Variants in GPC6 observed in about 807,000 individuals in gnomAD.
GPC6 encodes the protein glypican 6.
GPC6 carries 14 observed loss-of-function variants against 55.2 expected under a neutral mutation model. The observed-to-expected ratio is 0.25, with a 90% CI of 0.17 to 0.40. The LOEUF (loss-of-function observed/expected upper bound fraction) is 0.40. GPC6 is among the 10% of genes least tolerant of loss of function. GPC6 has a pLI of 1.00. For synonymous variants in GPC6, 278 were observed against 259.6 expected, an observed-to-expected ratio of 1.07 and a Z score of -0.68; for missense variants, 641 against 708.5, an observed-to-expected ratio of 0.90 and a Z score of 1.08.
intron 1 of GPC6, among the ~76,000 whole-genome samples, chr13:93,443,465 G>A (rs1264013276): frequency 6.6e-6 from 1 of 152,156 alleles, no homozygotes; most frequent in Non-Finnish European, 1.5e-5. Context: ...AAGCACCTTG[G>A]TGGGGGCTAA....
At chr13:93,944,041 A>G (rs979309524) in intron 3 of GPC6, among the ~76,000 whole-genome samples, 5 of 152,184 alleles carry the variant, frequency 3.3e-5, no homozygotes, top group Admixed American at 3.3e-4. Context: ...TGCTAGCGCT[A>G]CATGCTTCTT....
rs11841195 is a variant in GPC6 at position 93,797,832 on chromosome 13, A to C, written c.320-32322A>C. On this transcript the variant is annotated intron_variant, in intron 2 of 8. Coordinates refer to ENST00000377047, the MANE Select transcript of GPC6 (RefSeq NM_005708.5). The stretch of plus-strand genomic sequence containing the variant: ...TGTTTTTTATCTGTAGTCACAGCAG[A>C]GTGACTGTTTCGAACATGTGAAATG... Among the ~76,000 whole-genome samples the C allele has an allele frequency of 5.8e-3, 878 of 152,314 alleles. 9 individuals carry two copies. Among genetic ancestry groups the C allele is most frequent in the African/African-American group, 0.02 (840 of 41,576 alleles).
At chr13:93,994,243 CT>C (rs1379577418) in intron 3 of GPC6, among the ~76,000 whole-genome samples, 5 of 152,096 alleles carry the variant, frequency 3.3e-5, no homozygotes, top group Non-Finnish European at 7.4e-5. Context: ...CTATGTAACT[CT>C]TTATTCTTGG....
intron 3 of GPC6, among the ~76,000 whole-genome samples, chr13:94,016,927 T>C (rs756912521): frequency 1.3e-5 from 2 of 152,016 alleles, no homozygotes; most frequent in East Asian, 3.9e-4. Flanking sequence ...CTCCGCCTCC[T>C]GGGTTCAAAC....
At chr13:94,144,956 G>C (rs1159614047) in intron 4 of GPC6, among the ~76,000 whole-genome samples, 1 of 152,120 alleles carries the variant, frequency 6.6e-6, no homozygotes, top group Non-Finnish European at 1.5e-5. Flanking sequence ...TATTACTAAA[G>C]TTATTAACAA....
intron 4 of GPC6, among the ~76,000 whole-genome samples, chr13:94,087,266 G>C (rs1885319510): frequency 6.6e-6 from 1 of 152,188 alleles, no homozygotes; most frequent in African/African-American, 2.4e-5. Context: ...AGACCTGCAA[G>C]CCATTATAAG....
intron 4 of GPC6, among the ~76,000 whole-genome samples, chr13:94,127,083 T>C (rs1214716405): frequency 6.6e-6 from 1 of 152,118 alleles, no homozygotes; most frequent in Non-Finnish European, 1.5e-5. Context: ...GGGCCTAGGA[T>C]GTCACAACTG....
At chr13:93,448,005 C>G (rs777416701) in intron 1 of GPC6, among the ~76,000 whole-genome samples, 10 of 152,116 alleles carry the variant, frequency 6.6e-5, no homozygotes, top group Non-Finnish European at 1.5e-4. Flanking sequence ...TAATCTTGTA[C>G]ATGATTCTGC....
At chr13:93,768,730 T>C (rs759250046) in intron 2 of GPC6, among the ~76,000 whole-genome samples, 4 of 152,186 alleles carry the variant, frequency 2.6e-5, no homozygotes, top group Non-Finnish European at 4.4e-5. Flanking sequence ...TTTTTAAAGA[T>C]AAATGCTGGC....
rs540689508 is a variant in GPC6 at position 94,059,771 on chromosome 13, T to C, written c.877+31877T>C. 7.1e-4 allele frequency among the ~76,000 whole-genome samples: 108 copies of C among 152,034 alleles called. 1 individual carries two copies. The highest frequency in any genetic ancestry group is 3.4e-3 in the Middle Eastern group (1 of 294). Reference sequence around the variant, plus strand: ...AGTGGAAGGGAAAGCAAGTTCTCTGTGGCCTCTTTCATGAAAGAGTGCTAA... The same window carrying C: ...AGTGGAAGGGAAAGCAAGTTCTCTGCGGCCTCTTTCATGAAAGAGTGCTAA... On this transcript the variant is annotated intron_variant, in intron 4 of 8. Coordinates refer to ENST00000377047, the MANE Select transcript of GPC6 (RefSeq NM_005708.5).
rs1317528583 is a variant in GPC6 at position 93,371,728 on chromosome 13, T to C, written c.160+144112T>C. Among the ~76,000 whole-genome samples the C allele has an allele frequency of 2.0e-5, 3 of 151,990 alleles. No homozygotes were observed. In the East Asian group the frequency reaches 5.8e-4, roughly 29 times the overall value. ...GCTATTAGGGAAACTAAAGCACTAG[T>C]GTGGATAGGCAGGGAGATACATAGT... On this transcript the variant is annotated intron_variant, in intron 1 of 8. Transcript: ENST00000377047.
intron 2 of GPC6, among the ~76,000 whole-genome samples, chr13:93,666,106 G>A (rs1339703417): frequency 6.6e-6 from 1 of 152,144 alleles, no homozygotes; most frequent in East Asian, 1.9e-4. Flanking sequence ...TGCTTTTCCA[G>A]GTAGCTTTCC....
At position 93,392,033 on chromosome 13, in the gene GPC6, T is replaced by A. The variant is rs560346808; in HGVS notation, c.161-153230T>A. Among the ~76,000 whole-genome samples the A allele has an allele frequency of 2.0e-5, 3 of 152,308 alleles. No homozygotes were observed. The East Asian group carries it at 5.8e-4, about 29-fold the overall frequency. On this transcript the variant is annotated intron_variant, in intron 1 of 8. Coordinates refer to ENST00000377047, the MANE Select transcript of GPC6 (RefSeq NM_005708.5). ...TGGTACTCTGTAGGAAACAACTTCT[T>A]AGTTTTCTTAAATCAGGATTTATAG... is the stretch of plus-strand genomic sequence containing the variant.
At chr13:93,454,765 C>T (rs564773623) in intron 1 of GPC6, among the ~76,000 whole-genome samples, 24 of 152,366 alleles carry the variant, frequency 1.6e-4, no homozygotes, top group Non-Finnish European at 3.4e-4. Context: ...GAGCTGCCTG[C>T]CAGTCCCGCG....
At chr13:94,147,007 G>T (rs1158604690) in intron 4 of GPC6, among the ~76,000 whole-genome samples, 2 of 152,056 alleles carry the variant, frequency 1.3e-5, no homozygotes, top group South Asian at 2.1e-4. Flanking sequence ...TCCCACTAAA[G>T]GCAGGTTATT....
chr13:94,015,321 C>T (rs985701803), intron 3 of GPC6, among the ~76,000 whole-genome samples: 5 of 152,000 alleles, frequency 3.3e-5, no homozygotes, highest in African/African-American at 1.2e-4. Flanking sequence ...TAGCCATTTG[C>T]GTATCTTCTT....
chr13:93,347,580 C>T (rs960191301), intron 1 of GPC6, among the ~76,000 whole-genome samples: 1 of 152,136 alleles, frequency 6.6e-6, no homozygotes, highest in East Asian at 1.9e-4. Context: ...CTAATGCTTC[C>T]TATATCATGC....
intron 2 of GPC6, among the ~76,000 whole-genome samples, chr13:93,771,347 T>C (rs1885285836): frequency 2.6e-5 from 4 of 152,188 alleles, no homozygotes; most frequent in Admixed American, 2.6e-4. Flanking sequence ...CTCTAAATTA[T>C]ACATGACTGT....
chr13:93,650,622 T>C (rs935305513), intron 2 of GPC6, among the ~76,000 whole-genome samples: 2 of 152,130 alleles, frequency 1.3e-5, no homozygotes, highest in Admixed American at 1.3e-4. Flanking sequence ...CCATAATAGG[T>C]AGTAGCAGAA....
Sources: gnomAD v4.1 joint callset for allele counts (sites outside exome capture counted in the v4.1 genomes callset) on GRCh38, gnomAD v4.1.1 for gene constraint, MANE v1.5 for transcripts, NCBI Gene and HGNC (gene_info 2026-07-23, HGNC 2026-07-21) for gene names.